AGPAT4: variants seen among roughly 807,000 people sequenced by gnomAD.
AGPAT4 encodes the protein 1-acyl-sn-glycerol-3-phosphate acyltransferase delta.
AGPAT4 carries 15 observed loss-of-function variants against 48.0 expected under a neutral mutation model. The observed-to-expected ratio is 0.31, with a 90% CI of 0.21 to 0.48. The LOEUF (loss-of-function observed/expected upper bound fraction) is 0.48. Ranked by LOEUF, AGPAT4 falls within the 20% of genes least tolerant of loss-of-function variation. The probability of loss-of-function intolerance (pLI) is 0.99; values close to 1 mark genes in which losing one functional copy is unlikely to be tolerated. For synonymous variants in AGPAT4, 178 were observed against 198.7 expected, an observed-to-expected ratio of 0.90 and a Z score of 0.88; for missense variants, 314 against 482.5, an observed-to-expected ratio of 0.65 and a Z score of 3.27.
At chr6:161,191,415 G>A (rs1304290072) in intron 2 of AGPAT4, among the ~76,000 whole-genome samples, 1 of 152,190 alleles carries the variant, frequency 6.6e-6, no homozygotes, top group African/African-American at 2.4e-5. Flanking sequence ...TATAAATTCA[G>A]TTGGAGAGAC....
At chr6:161,260,299 TAAGAAATTCAAGTTGTAG>T (rs1783062631) in intron 1 of AGPAT4, among the ~76,000 whole-genome samples, 1 of 152,048 alleles carries the variant, frequency 6.6e-6, no homozygotes, top group South Asian at 2.1e-4. Context: ...GAAAGCAAGA[TAAGAAATTCAAGTTGTAG>T]AGTCCAAGAC....
chr6:161,187,660 C>T (rs6930780), intron 2 of AGPAT4, among the ~76,000 whole-genome samples: 108,349 of 151,636 alleles, frequency 0.71, 39,838 homozygotes, highest in East Asian at 0.91. Context: ...CCTGCCTCAG[C>T]CTCCCAAGTA....
rs1366484084 is a variant in AGPAT4 at position 161,169,949 on chromosome 6, G to A, written c.179-3532C>T. Among the ~76,000 whole-genome samples the A allele has an allele frequency of 6.6e-6, 1 of 152,118 alleles. No homozygotes were observed. The highest frequency in any genetic ancestry group is 2.4e-5 in the African/African-American group (1 of 41,432). ...TTCACGTCTTCAGCACAAAGCAGCG[G>A]CTAGGCCTGCTACTGCTCCTCCTTC... On this transcript the variant is annotated intron_variant, in intron 2 of 8. Transcript: ENST00000320285. The surrounding 1 kb of genome is among the most constrained non-coding windows in gnomAD (Gnocchi z 5.0).
intron 1 of AGPAT4, among the ~76,000 whole-genome samples, chr6:161,250,112 G>A (rs1582909087): frequency 7.6e-6 from 1 of 130,878 alleles, no homozygotes; most frequent in Non-Finnish European, 1.5e-5. Context: ...AACACCACGT[G>A]TTTTCACTTA....
At chr6:161,150,172 C>T (rs760448980) in intron 5 of AGPAT4, among the ~76,000 whole-genome samples, 1 of 152,064 alleles carries the variant, frequency 6.6e-6, no homozygotes, top group Non-Finnish European at 1.5e-5. Flanking sequence ...TAGGAAGGAA[C>T]GAGTGAAGGA....
chr6:161,188,206 G>GT (rs1780824811), intron 2 of AGPAT4, among the ~76,000 whole-genome samples: 1 of 152,178 alleles, frequency 6.6e-6, no homozygotes, highest in Non-Finnish European at 1.5e-5. Context: ...TCCCGGCACT[G>GT]TTTTTTAAAA....
Position 161,219,856 on chromosome 6 carries a change from T to C in AGPAT4, c.178+12180A>G. On this transcript the variant is annotated intron_variant, in intron 2 of 8. Transcript: ENST00000320285. The surrounding 1 kb of genome is among the most constrained non-coding windows in gnomAD (Gnocchi z 4.9). Reference sequence around the variant, plus strand: ...ATAGATAGATAGATAGATAGATAGATAGATAGATAGATAGATAGGCAGGCA... The same window carrying C: ...ATAGATAGATAGATAGATAGATAGACAGATAGATAGATAGATAGGCAGGCA... Among the ~76,000 whole-genome samples the C allele has an allele frequency of 1.7e-5, 2 of 116,770 alleles. No individual in the cohort carries two copies. Among genetic ancestry groups the C allele is most frequent in the African/African-American group, 7.4e-5 (2 of 27,198 alleles). 76.6% of individuals were successfully genotyped at this position (116,770 alleles called of 152,430 possible). A position where few individuals can be genotyped will look rare whatever the true frequency, so the allele number is the denominator to read the frequency against.
chr6:161,226,639 G>A lies in AGPAT4; in HGVS notation c.178+5397C>T, dbSNP rs879612808. ...TCTCAGAGAGTCAGAAAGGCAGCCA[G>A]GCAGGGCTGGAGAGCTAGGTTCACT... is the stretch of plus-strand genomic sequence containing the variant. On this transcript the variant is annotated intron_variant, in intron 2 of 8. Coordinates refer to ENST00000320285, the MANE Select transcript of AGPAT4 (RefSeq NM_020133.3). This position sits in a 1 kb window ranked among gnomAD's most constrained non-coding sequence, Gnocchi z 6.3. Among the ~76,000 whole-genome samples, 7 of 152,216 alleles carry A rather than the reference G, an allele frequency of 4.6e-5. No individual in the cohort carries two copies. The highest frequency in any genetic ancestry group is 1.3e-4 in the Admixed American group (2 of 15,288).
intron 1 of AGPAT4, among the ~76,000 whole-genome samples, chr6:161,257,237 A>T (rs1782967367): frequency 6.6e-6 from 1 of 152,252 alleles, no homozygotes; most frequent in Non-Finnish European, 1.5e-5. Flanking sequence ...AGGACGGAAG[A>T]CCACTAACAA....
chr6:161,221,564 A>C lies in AGPAT4; in HGVS notation c.178+10472T>G, dbSNP rs1489580830. On this transcript the variant is annotated intron_variant, in intron 2 of 8. Coordinates refer to ENST00000320285, the MANE Select transcript of AGPAT4 (RefSeq NM_020133.3). The surrounding 1 kb of genome is among the most constrained non-coding windows in gnomAD (Gnocchi z 4.5). ...ACTTCACTTTGGACTTCACCACCAC[A>C]GTAGAAGAAAAGACTTAGAACGCAG... 6.6e-6 allele frequency among the ~76,000 whole-genome samples: 1 copy of C among 152,186 alleles called. No individual in the cohort carries two copies. The highest frequency in any genetic ancestry group is 2.4e-5 in the African/African-American group (1 of 41,452).
At position 161,255,553 on chromosome 6, in the gene AGPAT4, T is replaced by C. The variant is rs1052568770; in HGVS notation, c.-90+18385A>G. On this transcript the variant is annotated intron_variant, in intron 1 of 8. Coordinates refer to ENST00000320285, the MANE Select transcript of AGPAT4 (RefSeq NM_020133.3). The surrounding 1 kb of genome is among the most constrained non-coding windows in gnomAD (Gnocchi z 4.7). ...TTCTCCAGCCACAAGAAAGAATAAA[T>C]TAATTACTGATACATGCTACAACAT... Among the ~76,000 whole-genome samples the C allele has an allele frequency of 1.3e-5, 2 of 152,184 alleles. No individual in the cohort carries two copies. The highest frequency in any genetic ancestry group is 6.5e-5 in the Admixed American group (1 of 15,278).
rs1331123074 is a variant in AGPAT4, at chr6:161,139,065, CT to C, written c.1042+356del. Among the ~76,000 whole-genome samples the C allele has an allele frequency of 6.6e-5, 10 of 152,350 alleles. No individual in the cohort carries two copies. Among genetic ancestry groups the C allele is most frequent in the African/African-American group, 2.4e-4 (10 of 41,590 alleles). On this transcript the variant is annotated intron_variant, in intron 8 of 8. Coordinates refer to ENST00000320285, the MANE Select transcript of AGPAT4 (RefSeq NM_020133.3). This position sits in a 1 kb window ranked among gnomAD's most constrained non-coding sequence, Gnocchi z 9.1. The stretch of plus-strand genomic sequence containing the variant: ...GTCCCCGCCAGGCTCCAGCACAGGG[CT>C]TTCTTCAGAAGCAGGAAATGATGCC...
chr6:161,244,091 T>C lies in AGPAT4; in HGVS notation c.-89-11789A>G, dbSNP rs1325767506. 6.6e-6 allele frequency among the ~76,000 whole-genome samples: 1 copy of C among 152,226 alleles called. No individual in the cohort carries two copies. The highest frequency in any genetic ancestry group is 1.5e-5 in the Non-Finnish European group (1 of 68,048). On this transcript the variant is annotated intron_variant, in intron 1 of 8. Transcript: ENST00000320285. This position sits in a 1 kb window ranked among gnomAD's most constrained non-coding sequence, Gnocchi z 4.7. ...CACCTTGTGGAAGGGAAATAAAAACTGGTATTGAGAAGACCAAGACCCTCA... is the reference window on the plus strand; with the variant it reads ...CACCTTGTGGAAGGGAAATAAAAACCGGTATTGAGAAGACCAAGACCCTCA...
In AGPAT4 at chr6:161,250,233, C is replaced by CT. The variant is rs565891886; in HGVS notation, c.-89-17932dup. ...GTAGGGAGAGGATCAGGAAAAATAA[C>CT]TAAGAGGTAGTAGCTTTAATACCTG... On this transcript the variant is annotated intron_variant, in intron 1 of 8. Transcript: ENST00000320285. Among the ~76,000 whole-genome samples, 279 of 152,250 alleles carry CT rather than the reference C, an allele frequency of 1.8e-3. 1 individual carries two copies. The highest frequency in any genetic ancestry group is 6.0e-3 in the African/African-American group (251 of 41,548).
chr6:161,250,535 T>C (rs1327009683), intron 1 of AGPAT4, among the ~76,000 whole-genome samples: 1 of 152,196 alleles, frequency 6.6e-6, no homozygotes, highest in East Asian at 1.9e-4. Flanking sequence ...CTTTGTGTTT[T>C]TTCAAGAATA....
In AGPAT4 at chr6:161,195,372, C is replaced by G. The variant is rs755924199; in HGVS notation, c.179-28955G>C. 6.6e-6 allele frequency among the ~76,000 whole-genome samples: 1 copy of G among 152,128 alleles called. No homozygotes were observed. The highest frequency in any genetic ancestry group is 1.5e-5 in the Non-Finnish European group (1 of 68,042). On this transcript the variant is annotated intron_variant, in intron 2 of 8. Transcript: ENST00000320285. The surrounding 1 kb of genome is among the most constrained non-coding windows in gnomAD (Gnocchi z 5.0). Reference sequence around the variant, plus strand: ...CAAGCACTGCAGGACAACCATTGGGCGGGTTATAAACACCTTTCATTATAT... The same window carrying G: ...CAAGCACTGCAGGACAACCATTGGGGGGGTTATAAACACCTTTCATTATAT...
chr6:161,198,433 T>C lies in AGPAT4; in HGVS notation c.179-32016A>G, dbSNP rs1781128521. Among the ~76,000 whole-genome samples, 1 of 152,214 alleles carries C rather than the reference T, an allele frequency of 6.6e-6. No individual in the cohort carries two copies. Among genetic ancestry groups the C allele is most frequent in the African/African-American group, 2.4e-5 (1 of 41,462 alleles). ...AGAGATGCTGTTAAGCATCCTACAA[T>C]GCACAGAACAGCCCCATGACAAAGA... is the stretch of plus-strand genomic sequence containing the variant. On this transcript the variant is annotated intron_variant, in intron 2 of 8. Transcript: ENST00000320285. The surrounding 1 kb of genome is among the most constrained non-coding windows in gnomAD (Gnocchi z 4.3).
Position 161,220,443 on chromosome 6 carries a change from T to G in AGPAT4, c.178+11593A>C, listed in dbSNP as rs547030078. Among the ~76,000 whole-genome samples the G allele has an allele frequency of 2.6e-4, 40 of 152,310 alleles. 1 individual carries two copies. Among genetic ancestry groups the G allele is most frequent in the African/African-American group, 9.4e-4 (39 of 41,574 alleles). On this transcript the variant is annotated intron_variant, in intron 2 of 8. Coordinates refer to ENST00000320285, the MANE Select transcript of AGPAT4 (RefSeq NM_020133.3). The surrounding 1 kb of genome is among the most constrained non-coding windows in gnomAD (Gnocchi z 6.0). The stretch of plus-strand genomic sequence containing the variant: ...CTGGAGAGGCAGATAGACAGCTTCC[T>G]CGATACTTCAGATTAAAAACCCTAG...
chr6:161,181,796 C>T (rs1244045790), intron 2 of AGPAT4, among the ~76,000 whole-genome samples: 6 of 152,092 alleles, frequency 3.9e-5, no homozygotes, highest in African/African-American at 1.2e-4. Context: ...AGGCTAGAAG[C>T]CGAGGGTCCA....
Sources: gnomAD v4.1 joint callset for allele counts (sites outside exome capture counted in the v4.1 genomes callset) on GRCh38, gnomAD v4.1.1 for gene constraint, Gnocchi (gnomAD v3.1) non-coding constraint, MANE v1.5 for transcripts, NCBI Gene and HGNC (gene_info 2026-07-23, HGNC 2026-07-21) for gene names.